ELMO1: variants seen among roughly 807,000 people sequenced by gnomAD.
ELMO1 encodes the protein engulfment and cell motility protein 1.
In ELMO1, 26 loss-of-function variants were observed where a neutral mutation model predicts 98.9. The ratio of observed to expected loss-of-function variants is 0.26; its 90% CI spans 0.19 to 0.36. ELMO1 has a LOEUF of 0.36. Among genes scored for constraint, ELMO1 ranks in the 10% least tolerant of loss-of-function variants. ELMO1 has a pLI of 1.00. For synonymous variants in ELMO1, 346 were observed against 346.0 expected (o/e 1.00, Z 0.00); for missense variants, 627 against 935.2 (o/e 0.67, Z 4.30).
intron 16 of ELMO1, among the ~76,000 whole-genome samples, chr7:36,913,259 A>C (rs1029465528): frequency 9.3e-4 from 141 of 152,378 alleles, no homozygotes; most frequent in African/African-American, 3.3e-3. Flanking sequence ...GAAAACTTTA[A>C]TACATCTCTG....
chr7:37,232,993 A>C lies in ELMO1; in HGVS notation c.549+102T>G, dbSNP rs1794264688. 22 of 1,028,736 alleles carry C rather than the reference A, an allele frequency of 2.1e-5. 1 individual carries two copies. The South Asian group carries it at 3.7e-4, about 17-fold the overall frequency. The allele number at this position is 1,028,736 out of a possible 1,614,324, so 63.7% of individuals were successfully genotyped here. A position where few individuals can be genotyped will look rare whatever the true frequency, so the allele number is the denominator to read the frequency against. ...AAAATCATACCCATCTTTTAATATA[A>C]AGAACTAAAGGAAAGACAATTATGA... is the stretch of plus-strand genomic sequence containing the variant. On this transcript the variant is annotated intron_variant, in intron 8 of 21. Coordinates refer to ENST00000310758, the MANE Select transcript of ELMO1 (RefSeq NM_014800.11).
chr7:37,432,700 C>T (rs917806692), intron 1 of ELMO1, among the ~76,000 whole-genome samples: 3 of 152,202 alleles, frequency 2.0e-5, no homozygotes, highest in Non-Finnish European at 4.4e-5. Context: ...AAATCCCAAC[C>T]CCCAATGTGT....
chr7:37,019,062 AG>A (rs1470066097), intron 15 of ELMO1, among the ~76,000 whole-genome samples: 4 of 152,252 alleles, frequency 2.6e-5, no homozygotes, highest in Non-Finnish European at 4.4e-5. Flanking sequence ...GTAACTGTGT[AG>A]GGTAATATTC....
chr7:37,085,420 G>A (rs900188004), intron 15 of ELMO1, among the ~76,000 whole-genome samples: 36 of 152,124 alleles, frequency 2.4e-4, no homozygotes, highest in African/African-American at 6.7e-4. Flanking sequence ...CATCTTTTCA[G>A]TGCAGTTTGA....
intron 1 of ELMO1, among the ~76,000 whole-genome samples, chr7:37,387,176 C>T (rs976572840): frequency 6.6e-6 from 1 of 152,184 alleles, no homozygotes; most frequent in Non-Finnish European, 1.5e-5. Flanking sequence ...CTGGCCTATC[C>T]TGAAAAGAAG....
chr7:37,157,348 T>C (rs897881478), intron 13 of ELMO1, among the ~76,000 whole-genome samples: 4 of 152,170 alleles, frequency 2.6e-5, no homozygotes, highest in Non-Finnish European at 5.9e-5. Context: ...ATAAAGGCTA[T>C]TCAATTAGGA....
intron 15 of ELMO1, among the ~76,000 whole-genome samples, chr7:37,041,910 CA>C (rs1296659026): frequency 6.6e-6 from 1 of 151,998 alleles, no homozygotes; most frequent in Admixed American, 6.6e-5. Context: ...ATTACACTTT[CA>C]AAAGTAGAGA....
chr7:37,259,107 G>A, intron 6 of ELMO1, 74 bp downstream of exon 6: 1 of 1,492,008 alleles, frequency 6.7e-7, no homozygotes, highest in Admixed American at 2.2e-5. Context: ...GTTTGCAAGT[G>A]TAAGGCATGT....
At chr7:36,897,714 A>C (rs1332547502) in intron 16 of ELMO1, among the ~76,000 whole-genome samples, 2 of 152,214 alleles carry the variant, frequency 1.3e-5, no homozygotes, top group East Asian at 1.9e-4. Flanking sequence ...TTTAACTCCT[A>C]TTTATAGATT....
At chr7:37,086,518 G>A (rs150185245) in intron 15 of ELMO1, among the ~76,000 whole-genome samples, 3,583 of 151,840 alleles carry the variant, frequency 0.024, 138 homozygotes, top group African/African-American at 0.082. Context: ...TGAGTCAGGC[G>A]GGTCACTTGA....
intron 3 of ELMO1, 107 bp from the exon 4 acceptor site, chr7:37,315,029 C>G: frequency 1.1e-6 from 1 of 926,922 alleles, no homozygotes; most frequent in Admixed American, 2.3e-5. Context: ...GGAATTGGAC[C>G]AATCCCAACA....
chr7:37,203,299 C>T (rs746620628), intron 13 of ELMO1, among the ~76,000 whole-genome samples: 12 of 152,172 alleles, frequency 7.9e-5, no homozygotes, highest in Non-Finnish European at 1.6e-4. Context: ...GGGACCTTAC[C>T]CATGTCCTAT....
intron 15 of ELMO1, among the ~76,000 whole-genome samples, chr7:37,084,263 G>A (rs1461754041): frequency 1.3e-5 from 2 of 152,112 alleles, no homozygotes; most frequent in Admixed American, 1.3e-4. Flanking sequence ...TGTTTGAGAG[G>A]TTTCAGGGTA....
chr7:36,940,226 G>A (rs1357658714), intron 16 of ELMO1, among the ~76,000 whole-genome samples: 2 of 152,148 alleles, frequency 1.3e-5, no homozygotes, highest in East Asian at 3.8e-4. Context: ...GCTTAACAAG[G>A]GCTTACAGTC....
chr7:37,094,341 G>A (rs1400783117), intron 15 of ELMO1, among the ~76,000 whole-genome samples: 2 of 152,178 alleles, frequency 1.3e-5, no homozygotes, highest in Non-Finnish European at 2.9e-5. Flanking sequence ...GACCTGCGAG[G>A]TGTTTGCCTT....
Position 37,029,685 on chromosome 7 carries a change from A to G in ELMO1, c.1301-16250T>C, listed in dbSNP as rs867689730. On this transcript the variant is annotated intron_variant, in intron 15 of 21. Coordinates refer to ENST00000310758, the MANE Select transcript of ELMO1 (RefSeq NM_014800.11). ...AATGCCCTAATAAAATTAGGCTTAAACTCTTGTTATTGGTATAAGGAGTCT... is the reference window on the plus strand; with the variant it reads ...AATGCCCTAATAAAATTAGGCTTAAGCTCTTGTTATTGGTATAAGGAGTCT... Among the ~76,000 whole-genome samples, 3 of 152,258 alleles carry G rather than the reference A, an allele frequency of 2.0e-5. No individual in the cohort carries two copies. The South Asian group carries it at 6.2e-4, about 32-fold the overall frequency.
chr7:36,891,105 C>A (rs1416947131), intron 17 of ELMO1, among the ~76,000 whole-genome samples: 1 of 152,230 alleles, frequency 6.6e-6, no homozygotes, highest in East Asian at 1.9e-4. Context: ...TTTAAAACTG[C>A]ACTCTATTTC....
At chr7:37,136,084 A>G (rs537946037) in intron 13 of ELMO1, among the ~76,000 whole-genome samples, 1 of 152,208 alleles carries the variant, frequency 6.6e-6, no homozygotes, top group Non-Finnish European at 1.5e-5. Context: ...AATTCACTGG[A>G]AAGTAACAGC....
intron 16 of ELMO1, among the ~76,000 whole-genome samples, chr7:36,907,556 T>A (rs1166309347): frequency 6.6e-6 from 1 of 152,144 alleles, no homozygotes; most frequent in Non-Finnish European, 1.5e-5. Flanking sequence ...CCAAGCAAGA[T>A]CTGAAAAGGT....
Sources: gnomAD v4.1 joint callset for allele counts (sites outside exome capture counted in the v4.1 genomes callset) on GRCh38, gnomAD v4.1.1 for gene constraint, MANE v1.5 for transcripts, NCBI Gene and HGNC (gene_info 2026-07-23, HGNC 2026-07-21) for gene names.